Variants in GCFC2 observed in about 807,000 individuals in gnomAD.
GCFC2 encodes intron Large complex component GCFC2.
GCFC2 carries 102 observed loss-of-function variants against 99.4 expected under a neutral mutation model. The ratio of observed to expected loss-of-function variants is 1.03; its 90% CI spans 0.87 to 1.21. The LOEUF (loss-of-function observed/expected upper bound fraction) is 1.21, where lower values mean the gene tolerates loss of function less well. GCFC2 is among the 50% of genes most tolerant of loss of function. The pLI is 0.00. For synonymous variants in GCFC2, 338 were observed against 316.8 expected (o/e 1.07, Z -0.71); for missense variants, 973 against 920.9 (o/e 1.06, Z -0.73).
chr2:75,681,143 T>C (rs1010317046), intron 11 of GCFC2, among the ~76,000 whole-genome samples: 1 of 152,210 alleles, frequency 6.6e-6, no homozygotes, highest in South Asian at 2.1e-4. Context: ...GCTGCCAAGA[T>C]GGCCGAATAG....
chr2:75,710,858 C>G lies in GCFC2; in HGVS notation c.-3G>C. On this transcript the variant is annotated 5_prime_UTR_variant, in exon 1 of 17. Transcript: ENST00000321027. ...GTCCTTTTCGGCCTGTGAGCCATGG[C>G]CGAGGCCCGAGCGCCCGGCGCCCTA... is the stretch of plus-strand genomic sequence containing the variant. 6.5e-7 allele frequency: 1 copy of G among 1,546,064 alleles called. No individual in the cohort carries two copies. The highest frequency in any genetic ancestry group is 8.7e-7 in the Non-Finnish European group (1 of 1,153,020).
intron 2 of GCFC2, among the ~76,000 whole-genome samples, chr2:75,704,490 C>T (rs935908272): frequency 1.3e-5 from 2 of 152,234 alleles, no homozygotes; most frequent in African/African-American, 2.4e-5. Context: ...ATTCACTGCG[C>T]TGAACTGTTC....
rs566994512 is a variant in GCFC2 at position 75,699,032 on chromosome 2, T to C, written c.717+2158A>G. ...GTCTCAAAAAAAAAAAAAAAAAGAA[T>C]GTGTTCCATTCCTTTTGATGAAGTC... On this transcript the variant is annotated intron_variant, in intron 4 of 16. Coordinates refer to ENST00000321027, the MANE Select transcript of GCFC2 (RefSeq NM_003203.5). Among the ~76,000 whole-genome samples, 290 of 146,962 alleles carry C rather than the reference T, an allele frequency of 2.0e-3. 1 individual carries two copies. Among genetic ancestry groups the C allele is most frequent in the African/African-American group, 6.8e-3 (271 of 39,580 alleles).
In GCFC2 at chr2:75,681,394, C is replaced by G. The variant is rs571568411; in HGVS notation, c.1691-1080G>C. Among the ~76,000 whole-genome samples, 5 of 149,666 alleles carry G rather than the reference C, an allele frequency of 3.3e-5. No homozygotes were observed. The East Asian group carries it at 7.7e-4, about 23-fold the overall frequency. On this transcript the variant is annotated intron_variant, in intron 11 of 16. Coordinates refer to ENST00000321027, the MANE Select transcript of GCFC2 (RefSeq NM_003203.5). Reference sequence around the variant, plus strand: ...CCGTGCCAGGAGGAACAGTGCACTCCAGCCCAGATACTGTGTTTTTCCCAC... The same window carrying G: ...CCGTGCCAGGAGGAACAGTGCACTCGAGCCCAGATACTGTGTTTTTCCCAC...
chr2:75,701,335 T>A, intron 3 of GCFC2, 48 bp from the exon 4 acceptor site: 1 of 1,100,232 alleles, frequency 9.1e-7, no homozygotes, highest in Non-Finnish European at 1.4e-6. Flanking sequence ...TTTTCCATTT[T>A]AATTGCAGCA....
intron 11 of GCFC2, among the ~76,000 whole-genome samples, chr2:75,685,043 C>T (rs1679748872): frequency 6.6e-6 from 1 of 152,132 alleles, no homozygotes; most frequent in African/African-American, 2.4e-5. Context: ...CGGAACATCA[C>T]ACACCGGGGC....
At chr2:75,706,918 GAA>G (rs200622606) in intron 1 of GCFC2, among the ~76,000 whole-genome samples, 2 of 149,016 alleles carry the variant, frequency 1.3e-5, no homozygotes, top group African/African-American at 4.9e-5. Context: ...AGGCATTAGA[GAA>G]AAAAAAAGCG....
chr2:75,711,293 A>G, upstream of GCFC2: 1 of 815,732 alleles, frequency 1.2e-6, no homozygotes, highest in Non-Finnish European at 1.5e-6. Context: ...AACAAACGAA[A>G]CCCCAGCAGT....
At chr2:75,681,304 G>T (rs549433988) in intron 11 of GCFC2, among the ~76,000 whole-genome samples, 1 of 152,284 alleles carries the variant, frequency 6.6e-6, no homozygotes, top group Non-Finnish European at 1.5e-5. Context: ...GTTGGGTGTT[G>T]CCTCACCTGG....
At chr2:75,704,297 T>C (rs1267724005) in intron 2 of GCFC2, among the ~76,000 whole-genome samples, 3 of 152,364 alleles carry the variant, frequency 2.0e-5, no homozygotes, top group Middle Eastern at 6.8e-3. Flanking sequence ...AGGGACTATT[T>C]TGAGGCAGTT....
chr2:75,668,452 T>A (rs1014661835), intron 15 of GCFC2, among the ~76,000 whole-genome samples: 4 of 152,212 alleles, frequency 2.6e-5, no homozygotes, highest in African/African-American at 9.6e-5. Context: ...ATAAGCTCCT[T>A]TCTTTCCCAG....
In GCFC2 at chr2:75,691,350, G is replaced by T. The variant is rs959587162; in HGVS notation, c.1144+627C>A. ...TTTTGGACCATTGTTGACTGAAACT[G>T]TGGAAAGCAAAACTGCAGATTAGAG... On this transcript the variant is annotated intron_variant, in intron 7 of 16. Coordinates refer to ENST00000321027, the MANE Select transcript of GCFC2 (RefSeq NM_003203.5). Among the ~76,000 whole-genome samples, 8 of 152,242 alleles carry T rather than the reference G, an allele frequency of 5.3e-5. No homozygotes were observed. The South Asian group carries it at 8.3e-4, about 16-fold the overall frequency.
At chr2:75,702,032 TAC>T in intron 3 of GCFC2, 165 bp downstream of exon 3, 8 of 1,415,730 alleles carry the variant, frequency 5.7e-6, no homozygotes, top group Non-Finnish European at 6.4e-6. Context: ...AACATTTTGA[TAC>T]AGATACATCT....
intron 14 of GCFC2, 180 bp from the exon 15 acceptor site, chr2:75,670,464 T>C (rs1679048159): frequency 2.1e-6 from 1 of 467,366 alleles, no homozygotes; most frequent in Non-Finnish European, 3.9e-6. Context: ...ACTCCATGTA[T>C]TTGCTCATCT....
chr2:75,682,937 G>C (rs1464983010), intron 11 of GCFC2, among the ~76,000 whole-genome samples: 3 of 151,814 alleles, frequency 2.0e-5, no homozygotes, highest in African/African-American at 7.3e-5. Context: ...AGAAATATGG[G>C]ACTATGTGAA....
At chr2:75,675,733 G>T (rs1409011189) in intron 12 of GCFC2, among the ~76,000 whole-genome samples, 7 of 129,908 alleles carry the variant, frequency 5.4e-5, no homozygotes. Context: ...GACAGAGTAA[G>T]GTTCTGTCAA....
intron 4 of GCFC2, chr2:75,697,795 A>C (rs1406682046): frequency 6.6e-6 from 1 of 152,420 alleles, no homozygotes; most frequent in Non-Finnish European, 1.5e-5. Context: ...ATTTTGGGAC[A>C]CAAGAGAAGA....
chr2:75,692,513 G>A (rs1179497389), intron 6 of GCFC2, among the ~76,000 whole-genome samples: 2 of 152,024 alleles, frequency 1.3e-5, no homozygotes, highest in African/African-American at 4.8e-5. Context: ...CAGGCGCAGT[G>A]GCACCTGCCT....
At chr2:75,665,346 G>T (rs570821839) in intron 16 of GCFC2, among the ~76,000 whole-genome samples, 2 of 152,004 alleles carry the variant, frequency 1.3e-5, no homozygotes, top group Non-Finnish European at 2.9e-5. Flanking sequence ...TAGAGACAGG[G>T]TCTTGCTATG....
Sources: allele counts gnomAD v4.1 joint callset (sites outside exome capture counted in the v4.1 genomes callset), GRCh38; gene constraint gnomAD v4.1.1; transcripts MANE v1.5; gene names NCBI Gene and HGNC (gene_info 2026-07-23, HGNC 2026-07-21).